VCAN: variants seen among roughly 807,000 people sequenced by gnomAD.
The protein encoded by VCAN is versican core protein.
In VCAN, 44 loss-of-function variants were observed where a neutral mutation model predicts 245.5. The ratio of observed to expected loss-of-function variants is 0.18; its 90% CI spans 0.14 to 0.23. VCAN has a LOEUF of 0.23. Ranked by LOEUF, VCAN falls within the 10% of genes least tolerant of loss-of-function variation. The pLI, the probability that VCAN is intolerant of heterozygous loss-of-function variation, is 1.00. For synonymous variants in VCAN, 1,413 were observed against 1,437.0 expected (o/e 0.98, Z 0.38); for missense variants, 3,793 against 4,057.9 (o/e 0.93, Z 1.77).
chr5:83,571,356 A>G (rs1748282813), intron 12 of VCAN, among the ~76,000 whole-genome samples: 1 of 152,200 alleles, frequency 6.6e-6, no homozygotes, highest in African/African-American at 2.4e-5. Context: ...TAACAAAGAA[A>G]TGAACCTAAA....
In VCAN at chr5:83,540,016, A is replaced by G; in HGVS notation, c.7013A>G (p.Asp2338Gly). 2 of 1,614,080 alleles carry G rather than the reference A, an allele frequency of 1.2e-6. No homozygotes were observed. The highest frequency in any genetic ancestry group is 2.2e-5 in the South Asian group (2 of 91,076). The change falls in exon 8 of 15, where the codon GAC becomes GGC. Residue 2338 changes from aspartate to glycine, a missense_variant. Asp to Gly is a moderately conservative substitution (Grantham distance 94). Around this residue, in one of 5 missense-constraint regions of VCAN, gnomAD observed 3,182 missense variants for 3,250.3 expected, o/e 0.98. Coordinates refer to ENST00000265077, the MANE Select transcript of VCAN (RefSeq NM_004385.5). ...TSTTLIEILS[D>G]TGAEGPTVAP... Reference sequence around the variant, plus strand: ...ACAACATTAATAGAAATTTTAAGTGACACTGGAGCAGAAGGACCCACGGTG... The same window carrying G: ...ACAACATTAATAGAAATTTTAAGTGGCACTGGAGCAGAAGGACCCACGGTG...
chr5:83,490,714 ACGAATACCTCAAGG>A (rs540918962), intron 3 of VCAN, among the ~76,000 whole-genome samples: 58 of 152,302 alleles, frequency 3.8e-4, no homozygotes, highest in African/African-American at 1.3e-3. Context: ...ACTGAAAATA[ACGAATACCTCAAGG>A]CATGACACAT....
rs1269398079 is a variant in VCAN, at chr5:83,581,578, G to A, written c.*1144G>A. The A allele has an allele frequency of 4.6e-5, 7 of 152,258 alleles. No homozygotes were observed. The highest frequency in any genetic ancestry group is 1.0e-4 in the Non-Finnish European group (7 of 68,014). The allele number at this position is 152,258 out of a possible 1,614,324, so 9.4% of individuals were successfully genotyped here. A position where few individuals can be genotyped will look rare whatever the true frequency, so the allele number is the denominator to read the frequency against. On this transcript the variant is annotated 3_prime_UTR_variant, in exon 15 of 15. Coordinates refer to ENST00000265077, the MANE Select transcript of VCAN (RefSeq NM_004385.5). ...CATATAATATAGGTACTTTGTCCCT[G>A]ATTAAATAATGTGACGGATAGAATG...
At chr5:83,557,366 C>T (rs1161506774) in intron 12 of VCAN, among the ~76,000 whole-genome samples, 2 of 152,054 alleles carry the variant, frequency 1.3e-5, no homozygotes, top group Non-Finnish European at 2.9e-5. Context: ...CTTTCCCCTG[C>T]TTTTTATTTC....
At chr5:83,547,196 G>A (rs1339343115) in intron 9 of VCAN, among the ~76,000 whole-genome samples, 1 of 152,154 alleles carries the variant, frequency 6.6e-6, no homozygotes, top group Non-Finnish European at 1.5e-5. Flanking sequence ...GTCTAAGAAG[G>A]TCCTGAGTTC....
At position 83,520,709 on chromosome 5, in the gene VCAN, A is replaced by C; in HGVS notation, c.2403A>C (p.Ser801=). Residue 801 remains serine, a synonymous_variant, in exon 7 of 15, where the codon TCA becomes TCC. Transcript: ENST00000265077. ...TAAGTGTTGAAGCAGCCACTGTATCAAAATGGTCATGGGATGAAGATAATA... is the reference window on the plus strand; with the variant it reads ...TAAGTGTTGAAGCAGCCACTGTATCCAAATGGTCATGGGATGAAGATAATA... ...GTLSVEAATV[S]KWSWDEDNTT... The C allele has an allele frequency of 6.2e-7, 1 of 1,614,154 alleles. No homozygotes were observed. The highest frequency in any genetic ancestry group is 1.1e-5 in the South Asian group (1 of 91,082).
chr5:83,573,437 T>A (rs977772398), intron 13 of VCAN, among the ~76,000 whole-genome samples: 2 of 152,096 alleles, frequency 1.3e-5, no homozygotes, highest in Admixed American at 6.5e-5. Context: ...GTCCTTCCTT[T>A]GTTTTATGTG....
In VCAN at chr5:83,497,122, A is replaced by C. The variant is rs186992838; in HGVS notation, c.748+3191A>C. Among the ~76,000 whole-genome samples the C allele has an allele frequency of 2.2e-3, 339 of 152,344 alleles. 2 individuals carry two copies. The highest frequency in any genetic ancestry group is 3.7e-3 in the Non-Finnish European group (249 of 68,026). On this transcript the variant is annotated intron_variant, in intron 5 of 14. Transcript: ENST00000265077. ...ACATAGGAGTTATGAACCAAGGTGCAATTAATTTAGATCAGAAGCCATATA... is the reference window on the plus strand; with the variant it reads ...ACATAGGAGTTATGAACCAAGGTGCCATTAATTTAGATCAGAAGCCATATA...
chr5:83,509,350 T>C (rs905975946), intron 5 of VCAN, among the ~76,000 whole-genome samples: 18 of 152,226 alleles, frequency 1.2e-4, no homozygotes, highest in African/African-American at 4.3e-4. Context: ...GGCCAGCACC[T>C]ACTGAAGCCT....
At chr5:83,532,878 A>T (rs550018879) in intron 7 of VCAN, among the ~76,000 whole-genome samples, 4 of 151,922 alleles carry the variant, frequency 2.6e-5, no homozygotes, top group African/African-American at 9.7e-5. Flanking sequence ...TTAGTAGACA[A>T]TTTTTTTTCT....
At chr5:83,549,076 C>T (rs532230740) in intron 10 of VCAN, among the ~76,000 whole-genome samples, 1 of 152,270 alleles carries the variant, frequency 6.6e-6, no homozygotes, top group African/African-American at 2.4e-5. Context: ...GCAAGATCCT[C>T]TTCTTAAAGT....
chr5:83,574,210 A>G (rs1007963741), intron 13 of VCAN, among the ~76,000 whole-genome samples: 2 of 130,286 alleles, frequency 1.5e-5, no homozygotes, highest in African/African-American at 5.5e-5. Flanking sequence ...ATGAGGGCAG[A>G]TCTTCCCCAC....
intron 6 of VCAN, chr5:83,512,681 T>C: frequency 3.3e-6 from 1 of 305,466 alleles, no homozygotes; most frequent in Non-Finnish European, 6.1e-6. Context: ...CTAAGTATTT[T>C]ATATTAATTG....
At chr5:83,551,254 T>TA (rs1284269598) in intron 10 of VCAN, among the ~76,000 whole-genome samples, 1 of 152,092 alleles carries the variant, frequency 6.6e-6, no homozygotes, top group Non-Finnish European at 1.5e-5. Flanking sequence ...CTCACGCCTA[T>TA]AATCCCAGCA....
chr5:83,572,340 TGTGATATAATACC>T (rs1202696975), intron 12 of VCAN, 63 bp from the exon 13 acceptor site: 2 of 1,540,972 alleles, frequency 1.3e-6, no homozygotes, highest in African/African-American at 2.7e-5. Flanking sequence ...CCAATTAGAT[TGTGATATAATACC>T]GTCGTTGCTC....
At chr5:83,513,530 C>G (rs1745741018) in intron 6 of VCAN, among the ~76,000 whole-genome samples, 1 of 152,140 alleles carries the variant, frequency 6.6e-6, no homozygotes, top group Non-Finnish European at 1.5e-5. Context: ...AGCTAAGAAG[C>G]CTCTGCTCTG....
intron 11 of VCAN, 60 bp downstream of exon 11, chr5:83,553,582 T>C: frequency 6.2e-7 from 1 of 1,609,764 alleles, no homozygotes; most frequent in Non-Finnish European, 8.5e-7. Flanking sequence ...CTCTTAGTTT[T>C]GTCTGTGTGC....
At position 83,493,851 on chromosome 5, in the gene VCAN, G is replaced by C; in HGVS notation, c.668G>C (p.Gly223Ala). 8 of 1,614,140 alleles carry C rather than the reference G, an allele frequency of 5.0e-6. No homozygotes were observed. The highest frequency in any genetic ancestry group is 5.9e-6 in the Non-Finnish European group (7 of 1,180,002). ...PRVGCYGDKM[G>A]KAGVRTYGFR... ...GTAGGCTGTTATGGAGATAAGATGGGAAAGGCAGGAGTCAGGACTTATGGA... is the reference window on the plus strand; with the variant it reads ...GTAGGCTGTTATGGAGATAAGATGGCAAAGGCAGGAGTCAGGACTTATGGA... Residue 223 changes from glycine (G) to alanine (A), a missense_variant, in exon 5 of 15, where the codon GGA becomes GCA. Transcript: ENST00000265077.
intron 7 of VCAN, among the ~76,000 whole-genome samples, chr5:83,523,266 A>G (rs181617960): frequency 2.3e-3 from 357 of 152,300 alleles, no homozygotes; most frequent in Admixed American, 4.4e-3. Flanking sequence ...CAATAAATCA[A>G]TTCAGGTTTG....
Sources: allele counts gnomAD v4.1 joint callset (sites outside exome capture counted in the v4.1 genomes callset), GRCh38; gene constraint gnomAD v4.1.1; regional missense constraint gnomAD v4.1.1; transcripts MANE v1.5; gene names NCBI Gene and HGNC (gene_info 2026-07-23, HGNC 2026-07-21).